Variants in FANCC observed in about 807,000 individuals in gnomAD.
FANCC encodes the protein Fanconi anemia group C protein.
FANCC carries 55 observed loss-of-function variants against 71.3 expected under a neutral mutation model. The ratio of observed to expected loss-of-function variants is 0.77; its 90% CI spans 0.62 to 0.97. The LOEUF is 0.97. Ranked by LOEUF, FANCC falls within the 50% of genes least tolerant of loss-of-function variation. FANCC has a pLI of 0.00. For missense variants in FANCC, 678 were observed against 670.9 expected (o/e 1.01, Z -0.12); for synonymous variants, 275 against 244.9 (o/e 1.12, Z -1.15).
intron 13 of FANCC, among the ~76,000 whole-genome samples, chr9:95,108,240 C>T (rs947240084): frequency 6.6e-6 from 1 of 152,326 alleles, no homozygotes; most frequent in East Asian, 1.9e-4. Context: ...AATACAAGAC[C>T]GTGAGAAACT....
At chr9:95,218,516 A>G (rs1015122230) in intron 4 of FANCC, among the ~76,000 whole-genome samples, 5 of 152,198 alleles carry the variant, frequency 3.3e-5, no homozygotes, top group Admixed American at 1.3e-4. Context: ...AAGACACTGT[A>G]AGAAAACAAC....
intron 1 of FANCC, among the ~76,000 whole-genome samples, chr9:95,301,524 T>TAGGA: frequency 6.6e-6 from 1 of 151,890 alleles, no homozygotes; most frequent in East Asian, 1.9e-4. Flanking sequence ...CTCAACCTCC[T>TAGGA]CCAAGCGATC....
chr9:95,185,336 TTTAAG>T (rs1383905053), intron 4 of FANCC, among the ~76,000 whole-genome samples: 1 of 152,206 alleles, frequency 6.6e-6, no homozygotes, highest in African/African-American at 2.4e-5. Flanking sequence ...ATCAGGCATG[TTTAAG>T]TTAATTTAAA....
chr9:95,271,927 C>CTTTTTATTTTTTTTTT (rs1832751351), intron 1 of FANCC, among the ~76,000 whole-genome samples: 1 of 50,480 alleles, frequency 2.0e-5, no homozygotes, highest in African/African-American at 7.7e-5. Flanking sequence ...CAAGCCTCTT[C>CTTTTTATTTTTTTTTT]TTTTTTTTTT....
chr9:95,138,578 TTATC>T (rs1355038658), intron 7 of FANCC, among the ~76,000 whole-genome samples: 4 of 152,216 alleles, frequency 2.6e-5, no homozygotes, highest in Non-Finnish European at 5.9e-5. Context: ...TCCTCATGCC[TTATC>T]TTTTTTCAGG....
intron 1 of FANCC, among the ~76,000 whole-genome samples, chr9:95,280,079 T>C (rs560534658): frequency 6.8e-6 from 1 of 147,504 alleles, no homozygotes; most frequent in South Asian, 2.2e-4. Flanking sequence ...AGATTGGAAG[T>C]AAAAGGATAG....
intron 7 of FANCC, among the ~76,000 whole-genome samples, chr9:95,147,861 A>G (rs539462805): frequency 1.3e-5 from 2 of 152,350 alleles, no homozygotes; most frequent in South Asian, 4.1e-4. Context: ...GACTTACTGT[A>G]TTGCTTGTAC....
intron 1 of FANCC, among the ~76,000 whole-genome samples, chr9:95,289,241 T>C (rs1052422520): frequency 1.3e-5 from 2 of 152,216 alleles, no homozygotes; most frequent in Admixed American, 1.3e-4. Context: ...AATACCTGAT[T>C]AGGTAACTAA....
intron 1 of FANCC, among the ~76,000 whole-genome samples, chr9:95,312,517 T>A (rs1227397481): frequency 2.6e-5 from 4 of 152,152 alleles, no homozygotes; most frequent in Non-Finnish European, 4.4e-5. Flanking sequence ...CACTCCCAGA[T>A]AATTTCGTGT....
intron 6 of FANCC, among the ~76,000 whole-genome samples, chr9:95,157,426 T>C (rs1192307137): frequency 6.6e-6 from 1 of 152,208 alleles, no homozygotes; most frequent in African/African-American, 2.4e-5. Context: ...TTCTATCCTA[T>C]TCTTTGCTAC....
At chr9:95,179,582 A>C (rs1826215264) in intron 4 of FANCC, among the ~76,000 whole-genome samples, 1 of 152,176 alleles carries the variant, frequency 6.6e-6, no homozygotes, top group Non-Finnish European at 1.5e-5. Context: ...CCTGGCCTCA[A>C]GTGATCTGCC....
At chr9:95,225,130 T>C (rs1336580381) in intron 4 of FANCC, among the ~76,000 whole-genome samples, 1 of 152,146 alleles carries the variant, frequency 6.6e-6, no homozygotes, top group Non-Finnish European at 1.5e-5. Context: ...CTGGGAGGGA[T>C]GTCAGCCCCC....
At chr9:95,259,501 G>A (rs996940138) in intron 1 of FANCC, among the ~76,000 whole-genome samples, 4 of 152,098 alleles carry the variant, frequency 2.6e-5, no homozygotes, top group African/African-American at 4.8e-5. Context: ...GCAGAAAACT[G>A]AATTAGGACC....
chr9:95,306,440 C>T (rs914030250), intron 1 of FANCC, among the ~76,000 whole-genome samples: 1 of 152,068 alleles, frequency 6.6e-6, no homozygotes, highest in East Asian at 1.9e-4. Flanking sequence ...AAGATGCAAC[C>T]GAAAGCCTGC....
At chr9:95,199,721 G>A (rs905449463) in intron 4 of FANCC, among the ~76,000 whole-genome samples, 3 of 152,200 alleles carry the variant, frequency 2.0e-5, no homozygotes, top group African/African-American at 7.2e-5. Context: ...GTCCAAGGAT[G>A]AGTGTTTACA....
intron 7 of FANCC, among the ~76,000 whole-genome samples, chr9:95,140,880 C>A (rs560223950): frequency 1.3e-5 from 2 of 152,192 alleles, no homozygotes; most frequent in South Asian, 4.2e-4. Flanking sequence ...AAGGCAGCCA[C>A]CAACAAGCAG....
At chr9:95,206,548 C>T (rs952992914) in intron 4 of FANCC, among the ~76,000 whole-genome samples, 6 of 152,156 alleles carry the variant, frequency 3.9e-5, no homozygotes, top group African/African-American at 9.7e-5. Flanking sequence ...TAACATTACG[C>T]TTTCAATTTT....
Position 95,279,578 on chromosome 9 carries a change from C to T in FANCC, c.-78-30209G>A, listed in dbSNP as rs78107133. 3.4e-3 allele frequency among the ~76,000 whole-genome samples: 507 copies of T among 150,826 alleles called. 9 individuals are homozygous for T. The East Asian group carries it at 0.044, about 13-fold the overall frequency. ...GAGAAACAGAGTTACAAAAAAAAGA[C>T]GAGATATACAGAAAAAGTAAAAGTT... is the stretch of plus-strand genomic sequence containing the variant. On this transcript the variant is annotated intron_variant, in intron 1 of 14. Coordinates refer to ENST00000289081, the MANE Select transcript of FANCC (RefSeq NM_000136.3).
chr9:95,233,347 T>A (rs1018312345), intron 4 of FANCC, among the ~76,000 whole-genome samples: 1 of 152,206 alleles, frequency 6.6e-6, no homozygotes, highest in Non-Finnish European at 1.5e-5. Flanking sequence ...CTAACATCCC[T>A]GGCCTCATCT....
Sources: gnomAD v4.1 joint callset for allele counts (sites outside exome capture counted in the v4.1 genomes callset) on GRCh38, gnomAD v4.1.1 for gene constraint, MANE v1.5 for transcripts, NCBI Gene and HGNC (gene_info 2026-07-23, HGNC 2026-07-21) for gene names.